The following HYDIN variants were observed in gnomAD, a reference collection of about 807,000 sequenced individuals.
HYDIN encodes HYDIN axonemal central pair apparatus protein, also known as axonemal central pair apparatus protein HYDIN.
HYDIN carries 132 observed loss-of-function variants against 403.9 expected under a neutral mutation model. That is an observed-to-expected ratio of 0.33 (90% CI 0.28 to 0.38). The LOEUF (loss-of-function observed/expected upper bound fraction) is 0.38, where lower values mean the gene tolerates loss of function less well. HYDIN is among the 10% of genes least tolerant of loss of function. The probability of loss-of-function intolerance (pLI) is 1.00; values close to 1 mark genes in which losing one functional copy is unlikely to be tolerated. For synonymous variants in HYDIN, 1,202 were observed against 1,891.7 expected, an observed-to-expected ratio of 0.64 and a Z score of 9.46; for missense variants, 2,827 against 5,009.5, an observed-to-expected ratio of 0.56 and a Z score of 13.15.
chr16:70,948,587 T>C (rs75031728), intron 41 of HYDIN, among the ~76,000 whole-genome samples: 1 of 151,766 alleles, frequency 6.6e-6, no homozygotes, highest in African/African-American at 2.4e-5. Context: ...TCAGAATCTA[T>C]AATGAACTCA....
At chr16:71,182,491 A>G (rs1164616999) in intron 3 of HYDIN, among the ~76,000 whole-genome samples, 1 of 152,144 alleles carries the variant, frequency 6.6e-6, no homozygotes, top group South Asian at 2.1e-4. Context: ...TCATTGGATC[A>G]TAAGATGTAA....
intron 12 of HYDIN, among the ~76,000 whole-genome samples, chr16:71,083,927 C>A (rs931517392): frequency 1.5e-5 from 2 of 131,710 alleles, no homozygotes. Flanking sequence ...CGCTTTGGGG[C>A]CTAAAAATGC....
chr16:71,028,094 C>T (rs939790868), intron 19 of HYDIN, among the ~76,000 whole-genome samples: 1 of 150,118 alleles, frequency 6.7e-6, no homozygotes. Context: ...ATCTCCACTC[C>T]CCGTAAGTCT....
chr16:70,875,926 G>A (rs1290377326), intron 62 of HYDIN, among the ~76,000 whole-genome samples: 1 of 152,192 alleles, frequency 6.6e-6, no homozygotes, highest in African/African-American at 2.4e-5. Flanking sequence ...ATATTATAAA[G>A]CCACAATAAT....
At chr16:71,010,830 C>A (rs1364719317) in intron 23 of HYDIN, among the ~76,000 whole-genome samples, 2 of 152,008 alleles carry the variant, frequency 1.3e-5, no homozygotes, top group East Asian at 3.9e-4. Context: ...GGCCCTTGGG[C>A]AGAACAAGGA....
intron 69 of HYDIN, among the ~76,000 whole-genome samples, chr16:70,861,252 G>C (rs965173359): frequency 3.9e-5 from 6 of 152,180 alleles, no homozygotes; most frequent in African/African-American, 1.4e-4. Flanking sequence ...AAAGTATCCT[G>C]AGCTCCTCGG....
chr16:70,906,121 C>T (rs1442283420), intron 50 of HYDIN, among the ~76,000 whole-genome samples: 1 of 151,738 alleles, frequency 6.6e-6, no homozygotes, highest in Non-Finnish European at 1.5e-5. Flanking sequence ...TCACTCCCTG[C>T]CTATATGATA....
chr16:71,041,593 G>A (rs2081289210), intron 18 of HYDIN, among the ~76,000 whole-genome samples: 1 of 152,006 alleles, frequency 6.6e-6, no homozygotes, highest in South Asian at 2.1e-4. Context: ...ATACATTGTT[G>A]AGTGAAAATA....
intron 1 of HYDIN, among the ~76,000 whole-genome samples, chr16:71,198,351 C>A (rs1003771118): frequency 1.3e-5 from 2 of 152,084 alleles, no homozygotes; most frequent in Non-Finnish European, 2.9e-5. Context: ...TTTCCATGCA[C>A]AAAGGTAATC....
chr16:70,922,806 T>TTTA (rs1449161142), intron 45 of HYDIN, among the ~76,000 whole-genome samples: 41 of 125,680 alleles, frequency 3.3e-4, no homozygotes, highest in African/African-American at 1.1e-3. Flanking sequence ...TTTTTTTTTT[T>TTTA]AGACAAGTTG....
intron 83 of HYDIN, among the ~76,000 whole-genome samples, chr16:70,819,161 C>T (rs1390027327): frequency 2.0e-5 from 3 of 151,916 alleles, no homozygotes; most frequent in East Asian, 1.9e-4. Context: ...GTGATCTGTC[C>T]GTGTTGGCCT....
chr16:71,088,177 T>G (rs1307423551), intron 12 of HYDIN, 124 bp downstream of exon 12: 1 of 331,334 alleles, frequency 3.0e-6, no homozygotes, highest in Non-Finnish European at 5.5e-6. Flanking sequence ...CACTCTATTA[T>G]GCTGATGTGT....
chr16:71,203,150 T>C (rs2088109673), intron 1 of HYDIN, among the ~76,000 whole-genome samples: 1 of 152,136 alleles, frequency 6.6e-6, no homozygotes. Context: ...GGTGGATAGA[T>C]GCATAGATGG....
chr16:70,933,233 C>T (rs1243391063), intron 45 of HYDIN, among the ~76,000 whole-genome samples: 3 of 152,090 alleles, frequency 2.0e-5, no homozygotes, highest in Non-Finnish European at 4.4e-5. Flanking sequence ...GAGGGGGACT[C>T]CCTCACAGGG....
At chr16:71,218,315 T>C (rs1007616492) in intron 1 of HYDIN, among the ~76,000 whole-genome samples, 59 of 152,170 alleles carry the variant, frequency 3.9e-4, no homozygotes, top group African/African-American at 1.3e-3. Context: ...TGTTTGGAAG[T>C]CCTCAGCCAG....
At chr16:71,220,537 T>G (rs2089144218) in intron 1 of HYDIN, among the ~76,000 whole-genome samples, 1 of 152,244 alleles carries the variant, frequency 6.6e-6, no homozygotes, top group Non-Finnish European at 1.5e-5. Context: ...TTTAAGTCAC[T>G]AGTCTGCATG....
At chr16:71,139,095 GAAA>G (rs71758936) in intron 7 of HYDIN, among the ~76,000 whole-genome samples, 70 of 103,808 alleles carry the variant, frequency 6.7e-4, no homozygotes, top group East Asian at 6.7e-3. Flanking sequence ...AAATAAAGAA[GAAA>G]AAAAAAAAAA....
At chr16:70,901,830 C>T (rs1241643772) in intron 52 of HYDIN, among the ~76,000 whole-genome samples, 1 of 152,124 alleles carries the variant, frequency 6.6e-6, no homozygotes, top group Non-Finnish European at 1.5e-5. Flanking sequence ...GTGATCTGCC[C>T]GTCTCGGCCT....
intron 1 of HYDIN, 111 bp from the exon 2 acceptor site, chr16:71,187,029 T>C: frequency 4.7e-6 from 3 of 634,842 alleles, no homozygotes; most frequent in Non-Finnish European, 8.1e-6. Flanking sequence ...ATACTGATCT[T>C]CCGAAATCCA....
Sources: gnomAD v4.1 joint callset for allele counts (sites outside exome capture counted in the v4.1 genomes callset) on GRCh38, gnomAD v4.1.1 for gene constraint, MANE v1.5 for transcripts, NCBI Gene and HGNC (gene_info 2026-07-23, HGNC 2026-07-21) for gene names.